SHPK: variants seen among roughly 807,000 people sequenced by gnomAD.
The protein encoded by SHPK is sedoheptulokinase.
A neutral mutation model predicts 46.3 loss-of-function variants in SHPK; 51 were observed. That is an observed-to-expected ratio of 1.10 (90% CI 0.88 to 1.39). The LOEUF is 1.39. SHPK is among the 40% of genes most tolerant of loss of function. The probability of loss-of-function intolerance (pLI) is 0.00; values close to 1 mark genes in which losing one functional copy is unlikely to be tolerated. For synonymous variants in SHPK, 290 were observed against 273.9 expected (o/e 1.06, Z -0.58); for missense variants, 668 against 641.3 (o/e 1.04, Z -0.45).
At chr17:3,616,141 C>T (rs778552027) in intron 5 of SHPK, among the ~76,000 whole-genome samples, 60 of 152,204 alleles carry the variant, frequency 3.9e-4, no homozygotes, top group Middle Eastern at 6.8e-3. Flanking sequence ...TGTGAGCCAC[C>T]GTGCCCGGCC....
chr17:3,621,188 G>A (rs1490373337), intron 5 of SHPK, 49 bp downstream of exon 5: 2 of 1,484,924 alleles, frequency 1.3e-6, no homozygotes, highest in Non-Finnish European at 9.1e-7. Flanking sequence ...TGGTGCTTAT[G>A]AGGCAGGCGA....
At chr17:3,635,515 G>A (rs1261291931) in intron 1 of SHPK, among the ~76,000 whole-genome samples, 2 of 152,162 alleles carry the variant, frequency 1.3e-5, no homozygotes, top group South Asian at 2.1e-4. Flanking sequence ...GATTACAGGC[G>A]TGAGCCACCG....
In SHPK at chr17:3,610,317, T is replaced by C. The variant is rs2075328534; in HGVS notation, c.*243A>G. Reference sequence around the variant, plus strand: ...TGCTCTCTCTCTCCCACATGGACATTTGTAAATAGCTCCCAGGTGGGTCAA... The same window carrying C: ...TGCTCTCTCTCTCCCACATGGACATCTGTAAATAGCTCCCAGGTGGGTCAA... On this transcript the variant is annotated 3_prime_UTR_variant, in exon 7 of 7. Coordinates refer to ENST00000225519, the MANE Select transcript of SHPK (RefSeq NM_013276.4). 6 of 500,260 alleles carry C rather than the reference T, an allele frequency of 1.2e-5. No individual in the cohort carries two copies. The highest frequency in any genetic ancestry group is 3.3e-5 in the East Asian group (1 of 29,964). 31.0% of individuals were successfully genotyped at this position (500,260 alleles called of 1,614,324 possible).
In SHPK at chr17:3,636,202, G is replaced by A; in HGVS notation, c.18C>T (p.Ile6=). 1 of 1,604,848 alleles carries A rather than the reference G, an allele frequency of 6.2e-7. No individual in the cohort carries two copies. Residue 6 remains isoleucine, a synonymous_variant, in exon 1 of 7, where the codon ATC becomes ATT. Coordinates refer to ENST00000225519, the MANE Select transcript of SHPK (RefSeq NM_013276.4). MAARP[I]TLGIDLGTTS... The stretch of plus-strand genomic sequence containing the variant: ...TGGTGCCCAGGTCAATGCCGAGGGT[G>A]ATCGGCCGCGCAGCCATTATCTCCC...
At chr17:3,633,805 G>A (rs568743256) in intron 1 of SHPK, among the ~76,000 whole-genome samples, 20 of 152,252 alleles carry the variant, frequency 1.3e-4, no homozygotes, top group Middle Eastern at 3.4e-3. Flanking sequence ...TGATGACAAT[G>A]GCGGTTTTGT....
At chr17:3,630,679 A>G (rs1040033739) in intron 1 of SHPK, among the ~76,000 whole-genome samples, 4 of 152,192 alleles carry the variant, frequency 2.6e-5, no homozygotes, top group African/African-American at 4.8e-5. Flanking sequence ...GCCAAACAAC[A>G]TGATGAAACC....
At chr17:3,627,424 T>C (rs1049047121) in intron 2 of SHPK, among the ~76,000 whole-genome samples, 6 of 151,904 alleles carry the variant, frequency 3.9e-5, no homozygotes, top group African/African-American at 1.5e-4. Flanking sequence ...CTGTGTTGAC[T>C]GTGTTTTGGA....
At chr17:3,623,285 G>T in intron 4 of SHPK, 54 bp downstream of exon 4, 1 of 1,599,274 alleles carries the variant, frequency 6.3e-7, no homozygotes, top group Non-Finnish European at 8.6e-7. Context: ...CTGGCTCCGG[G>T]GTTGCCCTTC....
chr17:3,631,539 T>TTTTA lies in SHPK; in HGVS notation c.169-1194_169-1193insTAAA, dbSNP rs1555555401. Among the ~76,000 whole-genome samples, 5 of 127,534 alleles carry TTTTA rather than the reference T, an allele frequency of 3.9e-5. 1 individual carries two copies. The highest frequency in any genetic ancestry group is 6.8e-5 in the Non-Finnish European group (4 of 58,790). The allele number at this position is 127,534 out of a possible 152,430, so 83.7% of individuals were successfully genotyped here. ...TTTTTTTTTTTTTTTTTTTTTTTTT[T>TTTTA]AGCGATAGAGTCTCTCTCTATTGCT... On this transcript the variant is annotated intron_variant, in intron 1 of 6. Coordinates refer to ENST00000225519, the MANE Select transcript of SHPK (RefSeq NM_013276.4).
intron 1 of SHPK, 21 bp from the exon 2 acceptor site, chr17:3,630,367 A>T (rs377750838): frequency 1.9e-6 from 3 of 1,596,324 alleles, no homozygotes; most frequent in African/African-American, 1.3e-5. Flanking sequence ...AAGAGAACAC[A>T]TGGGCAGGGG....
chr17:3,623,769 G>A (rs565415609), intron 3 of SHPK, among the ~76,000 whole-genome samples: 25 of 152,226 alleles, frequency 1.6e-4, no homozygotes, highest in Non-Finnish European at 3.2e-4. Flanking sequence ...TCGCAGGCCT[G>A]AACACACTGC....
At chr17:3,613,169 G>A (rs2075350888) in intron 6 of SHPK, among the ~76,000 whole-genome samples, 1 of 152,218 alleles carries the variant, frequency 6.6e-6, no homozygotes, top group Non-Finnish European at 1.5e-5. Flanking sequence ...GGCTTTCTGA[G>A]GAGACAGTTC....
At chr17:3,630,616 T>C (rs1410168286) in intron 1 of SHPK, among the ~76,000 whole-genome samples, 2 of 152,146 alleles carry the variant, frequency 1.3e-5, no homozygotes, top group South Asian at 4.1e-4. Context: ...CCCAGCACTT[T>C]GGGAGGCCAA....
chr17:3,636,006 GTC>G, intron 1 of SHPK, 44 bp downstream of exon 1: 1 of 1,494,772 alleles, frequency 6.7e-7, no homozygotes, highest in Non-Finnish European at 8.9e-7. Flanking sequence ...GAAAAGGGTG[GTC>G]AGGAGGCTCC....
At chr17:3,635,609 GAT>G (rs1205374090) in intron 1 of SHPK, among the ~76,000 whole-genome samples, 4 of 152,188 alleles carry the variant, frequency 2.6e-5, no homozygotes, top group Admixed American at 2.6e-4. Context: ...TTTGACATCT[GAT>G]TTCCGGAGGA....
At position 3,630,322 on chromosome 17, in the gene SHPK, T is replaced by C; in HGVS notation, c.193A>G (p.Ile65Val). Reference protein sequence around the residue: ...PQGREQDVSRILQALHECLAA... With the variant: ...PQGREQDVSRVLQALHECLAA... ...AGGCACTCGTGTAGGGCTTGGAGGA[T>C]TCTACTCACATCCTGCTCCCGCCCC... The change falls in exon 2 of 7, where the codon ATC (isoleucine) becomes GTC (valine). Residue 65 changes from isoleucine to valine, a missense_variant. Ile to Val is a conservative substitution (Grantham distance 29). Transcript: ENST00000225519. 1 of 1,612,316 alleles carries C rather than the reference T, an allele frequency of 6.2e-7. No homozygotes were observed. The highest frequency in any genetic ancestry group is 1.1e-5 in the South Asian group (1 of 91,020).
intron 2 of SHPK, among the ~76,000 whole-genome samples, chr17:3,626,356 CAT>C (rs972538043): frequency 6.6e-6 from 1 of 152,090 alleles, no homozygotes; most frequent in African/African-American, 2.4e-5. Context: ...TCCTCCTCTC[CAT>C]TTTTATTTTT....
chr17:3,635,015 T>C (rs2150877676), intron 1 of SHPK, among the ~76,000 whole-genome samples: 1 of 150,940 alleles, frequency 6.6e-6, no homozygotes, highest in South Asian at 2.1e-4. Flanking sequence ...CTACTAAAAA[T>C]ACAAAAAGTA....
Position 3,615,321 on chromosome 17 carries a change from G to T in SHPK, c.1024+16C>A. ...GGACAGGCAGAGAACACAGCGCTGT[G>T]TGGGCCACACCTTACCTAGATCTGC... On this transcript the variant is annotated intron_variant, in intron 6 of 6. Coordinates refer to ENST00000225519, the MANE Select transcript of SHPK (RefSeq NM_013276.4). 1 of 1,613,182 alleles carries T rather than the reference G, an allele frequency of 6.2e-7. No individual in the cohort carries two copies. Among genetic ancestry groups the T allele is most frequent in the Non-Finnish European group, 8.5e-7 (1 of 1,179,104 alleles).
Sources: allele counts gnomAD v4.1 joint callset (sites outside exome capture counted in the v4.1 genomes callset), GRCh38; gene constraint gnomAD v4.1.1; transcripts MANE v1.5; gene names NCBI Gene and HGNC (gene_info 2026-07-23, HGNC 2026-07-21).